Variants in SORCS2 observed in about 807,000 individuals in gnomAD.
SORCS2 encodes the protein sortilin related VPS10 domain containing receptor 2, also known as VPS10 domain-containing receptor SorCS2.
A neutral mutation model predicts 141.6 loss-of-function variants in SORCS2; 100 were observed. That is an observed-to-expected ratio of 0.71 (90% confidence interval 0.60 to 0.83). The LOEUF is 0.83. Ranked by LOEUF, SORCS2 falls within the 40% of genes least tolerant of loss-of-function variation. The pLI is 0.00. For synonymous variants in SORCS2, 789 were observed against 676.9 expected (o/e 1.17, Z -2.57); for missense variants, 1,646 against 1,560.2 (o/e 1.05, Z -0.93).
chr4:7,551,172 G>A (rs1161931970), intron 3 of SORCS2, among the ~76,000 whole-genome samples: 1 of 152,184 alleles, frequency 6.6e-6, no homozygotes, highest in Non-Finnish European at 1.5e-5. Context: ...ATTCTTAAGG[G>A]AAAATTGGTT....
intron 2 of SORCS2, among the ~76,000 whole-genome samples, chr4:7,404,165 A>G (rs1446178497): frequency 6.6e-6 from 1 of 151,816 alleles, no homozygotes; most frequent in Non-Finnish European, 1.5e-5. Context: ...TTGCTGCAGA[A>G]GACATGATCT....
chr4:7,732,114 C>T (rs527803307), intron 23 of SORCS2, among the ~76,000 whole-genome samples: 6 of 152,122 alleles, frequency 3.9e-5, no homozygotes, highest in Non-Finnish European at 5.9e-5. Flanking sequence ...ACAGGTGACT[C>T]GATTAAAAAA....
In SORCS2 at chr4:7,193,154, GC is replaced by G. The variant is rs368932720; in HGVS notation, c.480+32del. 2,304 of 1,488,058 alleles carry G rather than the reference GC, an allele frequency of 1.5e-3. 33 individuals carry two copies. The African/African-American group carries it at 0.03, about 19-fold the overall frequency. The allele number at this position is 1,488,058 out of a possible 1,614,324, so 92.2% of individuals were successfully genotyped here. A position where few individuals can be genotyped will look rare whatever the true frequency, so the allele number is the denominator to read the frequency against. On this transcript the variant is annotated intron_variant, in intron 1 of 26. Transcript: ENST00000507866. The surrounding 1 kb of genome is among the most constrained non-coding windows in gnomAD (Gnocchi z 4.8). Reference sequence around the variant, plus strand: ...AAGTGACCTCCACGCGCTCGCCGCGGCCCCTACCCGGGACACCGCGGGACAC... The same window carrying G: ...AAGTGACCTCCACGCGCTCGCCGCGGCCCTACCCGGGACACCGCGGGACAC...
intron 1 of SORCS2, among the ~76,000 whole-genome samples, chr4:7,228,966 C>T (rs567333810): frequency 3.3e-5 from 5 of 152,346 alleles, no homozygotes; most frequent in South Asian, 4.1e-4. Context: ...GTGGCCAGGC[C>T]GTCCCGTCCC....
At chr4:7,518,642 C>T (rs1047758444) in intron 2 of SORCS2, among the ~76,000 whole-genome samples, 20 of 152,122 alleles carry the variant, frequency 1.3e-4, no homozygotes, top group African/African-American at 4.6e-4. Context: ...TGCCCAGCAG[C>T]GGGAGAAAGA....
At chr4:7,562,813 CT>C (rs1201188619) in intron 3 of SORCS2, among the ~76,000 whole-genome samples, 1 of 152,164 alleles carries the variant, frequency 6.6e-6, no homozygotes, top group Non-Finnish European at 1.5e-5. Context: ...CCCACTCCAT[CT>C]CTGCAGCTGC....
At chr4:7,602,974 T>C (rs55820827) in intron 3 of SORCS2, among the ~76,000 whole-genome samples, 43,275 of 152,124 alleles carry the variant, frequency 0.28, 6,491 homozygotes, top group Middle Eastern at 0.32. Context: ...CCGACCAACA[T>C]GGCAAAACCC....
chr4:7,444,193 T>G (rs1323907141), intron 2 of SORCS2, among the ~76,000 whole-genome samples: 1 of 152,220 alleles, frequency 6.6e-6, no homozygotes, highest in Non-Finnish European at 1.5e-5. Flanking sequence ...ATGTGCTGAG[T>G]GCTATTCTAG....
At chr4:7,465,583 G>A (rs2109333791) in intron 2 of SORCS2, among the ~76,000 whole-genome samples, 1 of 152,272 alleles carries the variant, frequency 6.6e-6, no homozygotes, top group South Asian at 2.1e-4. Context: ...TTGTGCTGGA[G>A]ATATGTGTGC....
At chr4:7,617,554 C>T (rs1718849129) in intron 3 of SORCS2, among the ~76,000 whole-genome samples, 1 of 152,136 alleles carries the variant, frequency 6.6e-6, no homozygotes, top group Admixed American at 6.5e-5. Flanking sequence ...AGAGTAAGTT[C>T]TAAGTGGAGG....
At chr4:7,219,248 G>A (rs12649616) in intron 1 of SORCS2, among the ~76,000 whole-genome samples, 41,081 of 151,618 alleles carry the variant, frequency 0.27, 6,149 homozygotes, top group East Asian at 0.45. Context: ...AGACTTCAGG[G>A]CCATGTTGAG....
At chr4:7,330,087 C>T (rs1719553794) in intron 1 of SORCS2, among the ~76,000 whole-genome samples, 1 of 151,830 alleles carries the variant, frequency 6.6e-6, no homozygotes, top group Non-Finnish European at 1.5e-5. Flanking sequence ...GCATTCCAAC[C>T]CCTTCCCTCA....
chr4:7,434,592 C>A (rs764571142), intron 2 of SORCS2: 18 of 1,613,378 alleles, frequency 1.1e-5, no homozygotes, highest in Non-Finnish European at 1.5e-5. Context: ...TGGGGAGCCA[C>A]TCACAGGTCT....
intron 2 of SORCS2, among the ~76,000 whole-genome samples, chr4:7,441,479 C>T (rs1015835773): frequency 2.0e-5 from 3 of 152,048 alleles, no homozygotes; most frequent in South Asian, 4.2e-4. Flanking sequence ...GTGTGGGTGC[C>T]GAGGGCTGGG....
intron 2 of SORCS2, among the ~76,000 whole-genome samples, chr4:7,454,387 G>C (rs544100185): frequency 7.4e-6 from 1 of 134,862 alleles, no homozygotes; most frequent in South Asian, 2.7e-4. Flanking sequence ...GGGGTCAGGT[G>C]CTGTGTGTTG....
intron 2 of SORCS2, among the ~76,000 whole-genome samples, chr4:7,510,279 G>A (rs1467866632): frequency 6.6e-6 from 1 of 152,230 alleles, no homozygotes; most frequent in Admixed American, 6.5e-5. Flanking sequence ...TCCTGAACTG[G>A]AGAGTCCTGC....
chr4:7,215,915 G>A (rs1201344875), intron 1 of SORCS2, among the ~76,000 whole-genome samples: 1 of 150,454 alleles, frequency 6.6e-6, no homozygotes, highest in Non-Finnish European at 1.5e-5. Flanking sequence ...CAGGATGTGG[G>A]TGGGGCCAGA....
At chr4:7,708,027 G>T (rs1725582079) in intron 14 of SORCS2, among the ~76,000 whole-genome samples, 1 of 152,240 alleles carries the variant, frequency 6.6e-6, no homozygotes, top group Admixed American at 6.5e-5. Flanking sequence ...ACTGGGAAAT[G>T]AGTCGGCTTG....
At chr4:7,314,279 G>A (rs369064967) in intron 1 of SORCS2, among the ~76,000 whole-genome samples, 26 of 152,116 alleles carry the variant, frequency 1.7e-4, no homozygotes, top group African/African-American at 5.8e-4. Flanking sequence ...GCAGGGCTCC[G>A]CATTCACAGG....
Sources: allele counts gnomAD v4.1 joint callset (sites outside exome capture counted in the v4.1 genomes callset), GRCh38; gene constraint gnomAD v4.1.1; non-coding constraint Gnocchi (gnomAD v3.1); transcripts MANE v1.5; gene names NCBI Gene and HGNC (gene_info 2026-07-23, HGNC 2026-07-21).